ADGRG6: variants seen among roughly 807,000 people sequenced by gnomAD.
ADGRG6 encodes the protein adhesion G protein-coupled receptor G6.
A neutral mutation model predicts 142.4 loss-of-function variants in ADGRG6; 84 were observed. The observed-to-expected ratio is 0.59, with a 90% CI of 0.49 to 0.71. The LOEUF (loss-of-function observed/expected upper bound fraction) is 0.71, where lower values mean the gene tolerates loss of function less well. ADGRG6 is among the 30% of genes least tolerant of loss of function. The pLI is 0.00. For synonymous variants in ADGRG6, 521 were observed against 520.5 expected (o/e 1.00, Z -0.01); for missense variants, 1,367 against 1,466.6 (o/e 0.93, Z 1.11).
chr6:142,373,613 G>A (rs777452090), intron 4 of ADGRG6, among the ~76,000 whole-genome samples: 1 of 152,110 alleles, frequency 6.6e-6, no homozygotes, highest in Non-Finnish European at 1.5e-5. Context: ...ATCAGAGATC[G>A]CTATAACCTT....
intron 19 of ADGRG6, among the ~76,000 whole-genome samples, chr6:142,415,326 C>T (rs1728494616): frequency 6.6e-6 from 1 of 151,992 alleles, no homozygotes; most frequent in South Asian, 2.1e-4. Flanking sequence ...AAATGATTAA[C>T]ATTTAAGTAA....
rs1298046107 is a variant in ADGRG6 at position 142,302,208 on chromosome 6, T to G, written c.-122T>G. On this transcript the variant is annotated 5_prime_UTR_variant, in exon 1 of 25. Coordinates refer to ENST00000367609, the MANE Select transcript of ADGRG6 (RefSeq NM_198569.3). ...TCTCCAGAAACGGCGTAAAGGAGGG[T>G]CCCGCCGCGGCGCAGGGCTGGGGCG... is the stretch of plus-strand genomic sequence containing the variant. 2 of 1,116,252 alleles carry G rather than the reference T, an allele frequency of 1.8e-6. No individual in the cohort carries two copies. The highest frequency in any genetic ancestry group is 2.6e-6 in the Non-Finnish European group (2 of 781,824). 69.1% of individuals were successfully genotyped at this position (1,116,252 alleles called of 1,614,324 possible).
At chr6:142,434,888 A>G (rs1229946309) in intron 22 of ADGRG6, among the ~76,000 whole-genome samples, 2 of 152,120 alleles carry the variant, frequency 1.3e-5, no homozygotes, top group East Asian at 1.9e-4. Context: ...CTTTTCTATA[A>G]TAACATTTGC....
At chr6:142,341,681 AT>A (rs1779666755) in intron 2 of ADGRG6, among the ~76,000 whole-genome samples, 1 of 135,628 alleles carries the variant, frequency 7.4e-6, no homozygotes, top group Non-Finnish European at 1.5e-5. Context: ...TTACATATAT[AT>A]AAATGGAGAC....
intron 8 of ADGRG6, 78 bp from the exon 9 acceptor site, chr6:142,393,818 A>C: frequency 1.2e-6 from 1 of 869,298 alleles, no homozygotes; most frequent in South Asian, 1.5e-5. Flanking sequence ...CTGTCTCTTT[A>C]TTTCAGGTCC....
intron 24 of ADGRG6, among the ~76,000 whole-genome samples, chr6:142,442,068 A>T (rs1349328361): frequency 6.6e-6 from 1 of 152,230 alleles, no homozygotes; most frequent in Non-Finnish European, 1.5e-5. Context: ...GACAACAGAT[A>T]TCATGATGAT....
intron 5 of ADGRG6, 115 bp downstream of exon 5, chr6:142,382,134 C>T (rs765187701): frequency 3.8e-5 from 25 of 662,424 alleles, no homozygotes; most frequent in Non-Finnish European, 5.4e-5. Context: ...AGCCAGAAAA[C>T]AGCAAAACAG....
At chr6:142,417,396 A>G (rs1271739102) in intron 21 of ADGRG6, 27 bp downstream of exon 21, 4 of 952,378 alleles carry the variant, frequency 4.2e-6, no homozygotes, top group Non-Finnish European at 6.8e-6. Context: ...TTTTGTGATG[A>G]GTAGATATCC....
chr6:142,343,806 C>T (rs1779771417), intron 2 of ADGRG6, among the ~76,000 whole-genome samples: 1 of 151,774 alleles, frequency 6.6e-6, no homozygotes, highest in Non-Finnish European at 1.5e-5. Context: ...ACAAAAAAGT[C>T]AAGTGTGTGA....
intron 16 of ADGRG6, 94 bp downstream of exon 16, chr6:142,408,363 CT>C (rs1281088320): frequency 2.9e-5 from 27 of 931,480 alleles, no homozygotes; most frequent in Non-Finnish European, 3.3e-5. Context: ...GTAACTGACC[CT>C]TTTTTTGTGG....
Position 142,445,447 on chromosome 6 carries a change from ATTAG to A in ADGRG6, c.*1937_*1940del, listed in dbSNP as rs1450806728. On this transcript the variant is annotated 3_prime_UTR_variant, in exon 25 of 25. Transcript: ENST00000367609. ...CCTTAGACATTCATAGTAGATTTTAATTAGTTAGCTTTCTAACTAGTCAGATTTC... is the reference window on the plus strand; with the variant it reads ...CCTTAGACATTCATAGTAGATTTTAATTAGCTTTCTAACTAGTCAGATTTC... 1 of 152,176 alleles carries A rather than the reference ATTAG, an allele frequency of 6.6e-6. No homozygotes were observed. Among genetic ancestry groups the A allele is most frequent in the Non-Finnish European group, 1.5e-5 (1 of 68,022 alleles). The allele number at this position is 152,176 out of a possible 1,614,324, so 9.4% of individuals were successfully genotyped here. A position where few individuals can be genotyped will look rare whatever the true frequency, so the allele number is the denominator to read the frequency against.
chr6:142,367,605 A>G lies in ADGRG6; in HGVS notation c.140A>G (p.Asn47Ser), dbSNP rs201862423. 1.5e-4 allele frequency: 241 copies of G among 1,613,466 alleles called. No homozygotes were observed. Among genetic ancestry groups the G allele is most frequent in the East Asian group, 4.5e-5 (2 of 44,848 alleles). ...GCANCRVVLS[N>S]PSGTFTSPCY... ...GCCAACTGCCGAGTGGTTTTGTCCA[A>G]CCCTTCTGGGACCTTTACTTCTCCA... Residue 47 changes from asparagine (N) to serine (S), a missense_variant, in exon 3 of 25, where the codon AAC (asparagine) becomes AGC (serine). By Grantham distance (46) the Asn-to-Ser change is conservative (BLOSUM62 1). Around this residue, in one of 3 missense-constraint regions of ADGRG6, gnomAD observed 737 missense variants for 746.5 expected, o/e 0.99. Transcript: ENST00000367609.
At chr6:142,413,899 TCACACACACACACA>T (rs112923600) in intron 18 of ADGRG6, among the ~76,000 whole-genome samples, 1,982 of 141,470 alleles carry the variant, frequency 0.014, 45 homozygotes, top group East Asian at 0.046. Context: ...CATTTCTTTA[TCACACACACACACA>T]CACACACACA....
In ADGRG6 at chr6:142,302,251, T is replaced by G; in HGVS notation, c.-79T>G. 6.4e-7 allele frequency: 1 copy of G among 1,561,952 alleles called. No homozygotes were observed. The highest frequency in any genetic ancestry group is 8.7e-7 in the Non-Finnish European group (1 of 1,144,128). ...CTGGGGCGCCTGGGTTCCCCCTGGG[T>G]GGAGCAGCGGCAGCAGAGCGGGAAA... On this transcript the variant is annotated 5_prime_UTR_variant, in exon 1 of 25. Transcript: ENST00000367609.
chr6:142,375,532 G>C (rs1001724628), intron 4 of ADGRG6, among the ~76,000 whole-genome samples: 2 of 152,142 alleles, frequency 1.3e-5, no homozygotes, highest in Admixed American at 6.5e-5. Flanking sequence ...TTATATCAAG[G>C]CTTGTTAGCT....
chr6:142,436,394 A>G (rs1777487385), intron 22 of ADGRG6, among the ~76,000 whole-genome samples: 1 of 152,264 alleles, frequency 6.6e-6, no homozygotes, highest in African/African-American at 2.4e-5. Context: ...ACGTCTAGTA[A>G]AGTGGTCATG....
intron 15 of ADGRG6, 61 bp from the exon 16 acceptor site, chr6:142,408,089 C>T (rs1255844797): frequency 3.1e-6 from 4 of 1,290,872 alleles, no homozygotes; most frequent in Non-Finnish European, 4.2e-6. Context: ...TATTTTGGAG[C>T]ACCAAAGTAA....
intron 24 of ADGRG6, among the ~76,000 whole-genome samples, chr6:142,441,551 T>G (rs980681494): frequency 6.6e-6 from 1 of 152,184 alleles, no homozygotes; most frequent in Non-Finnish European, 1.5e-5. Flanking sequence ...AATTTTGCTT[T>G]GTTAAACTGC....
At chr6:142,428,417 GA>G (rs1777056029) in intron 22 of ADGRG6, among the ~76,000 whole-genome samples, 1 of 152,178 alleles carries the variant, frequency 6.6e-6, no homozygotes, top group African/African-American at 2.4e-5. Flanking sequence ...AATCAAGGCT[GA>G]AACCAAATTT....
Sources: allele counts gnomAD v4.1 joint callset (sites outside exome capture counted in the v4.1 genomes callset), GRCh38; gene constraint gnomAD v4.1.1; regional missense constraint gnomAD v4.1.1; transcripts MANE v1.5; gene names NCBI Gene and HGNC (gene_info 2026-07-23, HGNC 2026-07-21).